The following SPIDR variants were observed in gnomAD, a reference collection of about 807,000 sequenced individuals.
The protein encoded by SPIDR is DNA repair-scaffolding protein.
In SPIDR, 93 loss-of-function variants were observed where a neutral mutation model predicts 104.6. The observed-to-expected ratio is 0.89, with a 90% CI of 0.75 to 1.06. The LOEUF (loss-of-function observed/expected upper bound fraction) is 1.06. Ranked by LOEUF, SPIDR falls within the 50% of genes least tolerant of loss-of-function variation. SPIDR has a pLI of 0.00. For synonymous variants in SPIDR, 431 were observed against 416.9 expected, an observed-to-expected ratio of 1.03 and a Z score of -0.41; for missense variants, 1,154 against 1,111.2, an observed-to-expected ratio of 1.04 and a Z score of -0.55.
At chr8:47,667,275 G>A (rs933076523) in intron 10 of SPIDR, among the ~76,000 whole-genome samples, 2 of 151,508 alleles carry the variant, frequency 1.3e-5, no homozygotes, top group Admixed American at 6.6e-5. Context: ...AGGGAGACTC[G>A]GTCTCAAATA....
rs545405007 is a variant in SPIDR, at chr8:47,682,989, GGACTGT to G, written c.1685+9051_1685+9056del. Among the ~76,000 whole-genome samples the G allele has an allele frequency of 4.2e-3, 634 of 152,260 alleles. 1 individual carries two copies. Among genetic ancestry groups the G allele is most frequent in the Non-Finnish European group, 6.5e-3 (445 of 68,010 alleles). ...TTAAAGCATGCAAAGGGAAGACAAGGGACTGTGATCAGGCTTGGAACACCCATCTGT... is the reference window on the plus strand; with the variant it reads ...TTAAAGCATGCAAAGGGAAGACAAGGGATCAGGCTTGGAACACCCATCTGT... On this transcript the variant is annotated intron_variant, in intron 11 of 19. Transcript: ENST00000297423.
At chr8:47,389,439 C>T (rs2060312273) in intron 5 of SPIDR, among the ~76,000 whole-genome samples, 1 of 152,018 alleles carries the variant, frequency 6.6e-6, no homozygotes, top group African/African-American at 2.4e-5. Flanking sequence ...CCTGTAATCC[C>T]AGCACTTTGG....
At position 47,576,133 on chromosome 8, in the gene SPIDR, A is replaced by ATTAT. The variant is rs1172196387; in HGVS notation, c.1098-19667_1098-19664dup. Among the ~76,000 whole-genome samples the ATTAT allele has an allele frequency of 5.3e-5, 8 of 151,190 alleles. No homozygotes were observed. The South Asian group carries it at 8.3e-4, about 16-fold the overall frequency. On this transcript the variant is annotated intron_variant, in intron 8 of 19. Coordinates refer to ENST00000297423, the MANE Select transcript of SPIDR (RefSeq NM_001080394.4). ...ACATTTTTTTGACAAGGTCTTTTTT[A>ATTAT]TTATTTATTTATTTTTATTTTATTT... is the stretch of plus-strand genomic sequence containing the variant.
At chr8:47,734,877 TAAGG>T (rs760541943) in intron 19 of SPIDR, among the ~76,000 whole-genome samples, 1 of 152,170 alleles carries the variant, frequency 6.6e-6, no homozygotes, top group Non-Finnish European at 1.5e-5. Flanking sequence ...GGAATCCTAT[TAAGG>T]AAGGAAGTTT....
At chr8:47,610,106 A>G (rs2063423951) in intron 10 of SPIDR, among the ~76,000 whole-genome samples, 2 of 152,148 alleles carry the variant, frequency 1.3e-5, no homozygotes, top group Non-Finnish European at 2.9e-5. Flanking sequence ...GTGGCCCTAT[A>G]TAAAAGCCAT....
intron 5 of SPIDR, among the ~76,000 whole-genome samples, chr8:47,395,607 G>C (rs1238765724): frequency 6.6e-6 from 1 of 152,088 alleles, no homozygotes; most frequent in Admixed American, 6.5e-5. Context: ...CATGTGTCTT[G>C]GCAAAGACAG....
At chr8:47,456,213 G>C (rs151279459) in intron 8 of SPIDR, among the ~76,000 whole-genome samples, 1 of 152,290 alleles carries the variant, frequency 6.6e-6, no homozygotes, top group African/African-American at 2.4e-5. Context: ...ATTAAGGTTA[G>C]AGTGGGTCCT....
chr8:47,291,892 G>A (rs1011259818), intron 4 of SPIDR, among the ~76,000 whole-genome samples: 5 of 152,204 alleles, frequency 3.3e-5, no homozygotes, highest in Non-Finnish European at 7.3e-5. Flanking sequence ...ATTGAAAGCA[G>A]AGTTTCTCAT....
At chr8:47,429,005 T>C (rs1554687157) in intron 7 of SPIDR, among the ~76,000 whole-genome samples, 2 of 152,188 alleles carry the variant, frequency 1.3e-5, no homozygotes, top group African/African-American at 4.8e-5. Flanking sequence ...AGTATTGTTC[T>C]TTGTAGTCGT....
intron 8 of SPIDR, among the ~76,000 whole-genome samples, chr8:47,526,501 C>A (rs919497873): frequency 3.3e-5 from 5 of 152,020 alleles, no homozygotes; most frequent in African/African-American, 1.2e-4. Context: ...AGTGGCAGAC[C>A]ACGAGCAAAA....
At position 47,276,241 on chromosome 8, in the gene SPIDR, C is replaced by T. The variant is rs2036402478; in HGVS notation, c.34-3621C>T. Among the ~76,000 whole-genome samples the T allele has an allele frequency of 2.0e-5, 3 of 152,258 alleles. No individual in the cohort carries two copies. In the South Asian group the frequency reaches 6.2e-4, roughly 32 times the overall value. On this transcript the variant is annotated intron_variant, in intron 1 of 19. Coordinates refer to ENST00000297423, the MANE Select transcript of SPIDR (RefSeq NM_001080394.4). ...CATGAATAATTTATTTGAAAGTTAC[C>T]TGTCCAGTTTGTATAGCTCTAGATA...
intron 2 of SPIDR, among the ~76,000 whole-genome samples, chr8:47,281,750 C>T (rs1380096488): frequency 1.3e-5 from 2 of 152,208 alleles, no homozygotes; most frequent in Non-Finnish European, 2.9e-5. Flanking sequence ...CTTCCAAACT[C>T]CTGTTAATGC....
At chr8:47,642,737 C>T (rs1452914253) in intron 10 of SPIDR, among the ~76,000 whole-genome samples, 3 of 151,952 alleles carry the variant, frequency 2.0e-5, no homozygotes, top group African/African-American at 2.4e-5. Flanking sequence ...AGTGAGACCC[C>T]GTCTCTACTA....
intron 8 of SPIDR, among the ~76,000 whole-genome samples, chr8:47,485,074 G>A (rs1206885528): frequency 1.3e-5 from 2 of 152,212 alleles, no homozygotes; most frequent in East Asian, 3.9e-4. Flanking sequence ...GAAGTGCAAG[G>A]GGTCAGGGAA....
At chr8:47,327,001 T>C (rs2047766151) in intron 5 of SPIDR, among the ~76,000 whole-genome samples, 1 of 152,216 alleles carries the variant, frequency 6.6e-6, no homozygotes, top group African/African-American at 2.4e-5. Context: ...TTTATGTTAC[T>C]CTTTGAAAAA....
At chr8:47,396,280 C>A in intron 5 of SPIDR, 96 bp from the exon 6 acceptor site, 1 of 1,069,568 alleles carries the variant, frequency 9.3e-7, no homozygotes, top group Non-Finnish European at 1.3e-6. Context: ...AGAGCTGTAA[C>A]TGTAAGGGAA....
At chr8:47,587,917 T>C (rs1469032924) in intron 8 of SPIDR, among the ~76,000 whole-genome samples, 7 of 150,658 alleles carry the variant, frequency 4.6e-5, no homozygotes, top group East Asian at 1.9e-4. Context: ...ATTATAGTTA[T>C]AAAATAAGTC....
chr8:47,647,523 G>A (rs1410879838), intron 10 of SPIDR, among the ~76,000 whole-genome samples: 1 of 152,028 alleles, frequency 6.6e-6, no homozygotes, highest in Non-Finnish European at 1.5e-5. Flanking sequence ...GCTGAGGCAG[G>A]AGAATCGCTT....
At chr8:47,329,011 A>G (rs2048186721) in intron 5 of SPIDR, among the ~76,000 whole-genome samples, 2 of 151,740 alleles carry the variant, frequency 1.3e-5, no homozygotes, top group Admixed American at 1.3e-4. Flanking sequence ...GGTTCAAGCA[A>G]TTCTCGTGCC....
Sources: gnomAD v4.1 joint callset for allele counts (sites outside exome capture counted in the v4.1 genomes callset) on GRCh38, gnomAD v4.1.1 for gene constraint, MANE v1.5 for transcripts, NCBI Gene and HGNC (gene_info 2026-07-23, HGNC 2026-07-21) for gene names.